XKR6: variants seen among roughly 807,000 people sequenced by gnomAD.
XKR6 encodes XK-related protein 6.
A neutral mutation model predicts 56.7 loss-of-function variants in XKR6; 22 were observed. That is an observed-to-expected ratio of 0.39 (90% confidence interval 0.28 to 0.55). The LOEUF (loss-of-function observed/expected upper bound fraction) is 0.55. XKR6 is among the 20% of genes least tolerant of loss of function. XKR6 has a pLI of 0.66. For missense variants in XKR6, 852 were observed against 889.0 expected, an observed-to-expected ratio of 0.96 and a Z score of 0.53; for synonymous variants, 524 against 387.8, an observed-to-expected ratio of 1.35 and a Z score of -4.13.
At chr8:11,189,044 A>G (rs1803415097) in intron 1 of XKR6, among the ~76,000 whole-genome samples, 1 of 152,024 alleles carries the variant, frequency 6.6e-6, no homozygotes, top group African/African-American at 2.4e-5. Flanking sequence ...CGAATCTATC[A>G]AGCAAAATGT....
At chr8:10,946,395 G>A (rs564132647) in intron 1 of XKR6, among the ~76,000 whole-genome samples, 2 of 152,246 alleles carry the variant, frequency 1.3e-5, no homozygotes, top group Non-Finnish European at 2.9e-5. Flanking sequence ...GGCAGTGAAC[G>A]TGCTTGTACC....
At chr8:10,899,369 C>T (rs904859000) in intron 2 of XKR6, among the ~76,000 whole-genome samples, 18 of 152,214 alleles carry the variant, frequency 1.2e-4, no homozygotes, top group African/African-American at 3.6e-4. Flanking sequence ...GTTTACCCAC[C>T]GCCCTGAATT....
At chr8:10,943,389 A>G (rs1027135875) in intron 1 of XKR6, among the ~76,000 whole-genome samples, 1 of 152,102 alleles carries the variant, frequency 6.6e-6, no homozygotes, top group African/African-American at 2.4e-5. Flanking sequence ...TCAGTCTCCC[A>G]TGGTTGACTC....
At chr8:11,138,943 C>T (rs1212953520) in intron 1 of XKR6, among the ~76,000 whole-genome samples, 1 of 151,496 alleles carries the variant, frequency 6.6e-6, no homozygotes, top group Non-Finnish European at 1.5e-5. Flanking sequence ...AAAACCTGAC[C>T]TCAAGATGAA....
intron 1 of XKR6, among the ~76,000 whole-genome samples, chr8:11,107,419 G>C (rs868137039): frequency 1.6e-4 from 24 of 151,922 alleles, no homozygotes; most frequent in Admixed American, 5.9e-4. Flanking sequence ...TCCTGGCCTT[G>C]GGCAGTCCTC....
chr8:10,983,000 C>T (rs535022194), intron 1 of XKR6, among the ~76,000 whole-genome samples: 1 of 152,132 alleles, frequency 6.6e-6, no homozygotes, highest in East Asian at 1.9e-4. Flanking sequence ...AAATGAAGGC[C>T]CATACCAATT....
At chr8:11,049,325 C>T (rs1289164854) in intron 1 of XKR6, among the ~76,000 whole-genome samples, 1 of 152,206 alleles carries the variant, frequency 6.6e-6, no homozygotes, top group Non-Finnish European at 1.5e-5. Flanking sequence ...CCCCTTTTCT[C>T]AGGACATGAC....
chr8:10,901,984 C>G (rs1157857453), intron 2 of XKR6, among the ~76,000 whole-genome samples: 1 of 152,196 alleles, frequency 6.6e-6, no homozygotes, highest in Non-Finnish European at 1.5e-5. Flanking sequence ...CATTCTTCTG[C>G]CTTCAGAGTT....
intron 1 of XKR6, among the ~76,000 whole-genome samples, chr8:11,127,070 G>T (rs1004974080): frequency 2.0e-5 from 3 of 152,144 alleles, no homozygotes; most frequent in African/African-American, 7.2e-5. Flanking sequence ...TATACTCTAG[G>T]ACAGTAGAGT....
At chr8:11,109,594 C>CT (rs1274514154) in intron 1 of XKR6, 2 of 152,238 alleles carry the variant, frequency 1.3e-5, no homozygotes, top group Non-Finnish European at 2.9e-5. Flanking sequence ...CCTGACAGCA[C>CT]TTTAAGTCAG....
At chr8:11,004,780 A>C (rs949203540) in intron 1 of XKR6, among the ~76,000 whole-genome samples, 1 of 152,250 alleles carries the variant, frequency 6.6e-6, no homozygotes, top group African/African-American at 2.4e-5. Context: ...CAAAAGGTGG[A>C]GACAACCCAA....
At chr8:11,186,850 G>C (rs1298145096) in intron 1 of XKR6, among the ~76,000 whole-genome samples, 1 of 152,116 alleles carries the variant, frequency 6.6e-6, no homozygotes, top group Non-Finnish European at 1.5e-5. Flanking sequence ...GTTGTTATTA[G>C]AGCTATTGAG....
chr8:11,017,146 G>A (rs761348802), intron 1 of XKR6, among the ~76,000 whole-genome samples: 1 of 152,202 alleles, frequency 6.6e-6, no homozygotes, highest in African/African-American at 2.4e-5. Context: ...ATAGATGATA[G>A]ATACATATAG....
chr8:11,035,297 T>C (rs770125690), intron 1 of XKR6: 1 of 534,656 alleles, frequency 1.9e-6, no homozygotes, highest in African/African-American at 1.9e-5. Context: ...AGCAGCATCA[T>C]CAAGCCATCT....
intron 1 of XKR6, among the ~76,000 whole-genome samples, chr8:10,967,870 CT>C (rs1414439006): frequency 1.3e-5 from 2 of 152,198 alleles, no homozygotes; most frequent in Non-Finnish European, 2.9e-5. Context: ...AGAGCTCACC[CT>C]GAGGATGCGC....
intron 2 of XKR6, among the ~76,000 whole-genome samples, chr8:10,919,314 TG>T (rs1213106413): frequency 1.3e-5 from 2 of 152,238 alleles, no homozygotes; most frequent in Non-Finnish European, 2.9e-5. Context: ...GGGCTTTTCC[TG>T]ACCCCCTGCC....
At chr8:11,036,894 C>T (rs939987940) in intron 1 of XKR6, among the ~76,000 whole-genome samples, 1 of 152,210 alleles carries the variant, frequency 6.6e-6, no homozygotes, top group African/African-American at 2.4e-5. Flanking sequence ...GGGCGTGCCC[C>T]ATCCTAGGCA....
intron 1 of XKR6, among the ~76,000 whole-genome samples, chr8:10,991,247 G>A (rs1014681878): frequency 6.6e-6 from 1 of 152,024 alleles, no homozygotes; most frequent in Non-Finnish European, 1.5e-5. Flanking sequence ...TGAGAGTAGG[G>A]GGGAAATGCT....
intron 1 of XKR6, among the ~76,000 whole-genome samples, chr8:10,978,459 T>C (rs6601543): frequency 6.6e-6 from 1 of 152,148 alleles, no homozygotes; most frequent in African/African-American, 2.4e-5. Context: ...CATGTGATGA[T>C]GTGATGGGGG....
Sources: gnomAD v4.1 joint callset for allele counts (sites outside exome capture counted in the v4.1 genomes callset) on GRCh38, gnomAD v4.1.1 for gene constraint, MANE v1.5 for transcripts, NCBI Gene and HGNC (gene_info 2026-07-23, HGNC 2026-07-21) for gene names.